RORA: variants seen among roughly 807,000 people sequenced by gnomAD.
RORA encodes the protein nuclear receptor ROR-alpha.
RORA carries 7 observed loss-of-function variants against 69.5 expected under a neutral mutation model. That is an observed-to-expected ratio of 0.10 (90% CI 0.06 to 0.19). RORA has a LOEUF of 0.19. RORA is among the 10% of genes least tolerant of loss of function. The probability of loss-of-function intolerance (pLI) is 1.00; values close to 1 mark genes in which losing one functional copy is unlikely to be tolerated. For missense variants in RORA, 457 were observed against 663.0 expected, an observed-to-expected ratio of 0.69 and a Z score of 3.41; for synonymous variants, 261 against 240.8, an observed-to-expected ratio of 1.08 and a Z score of -0.78.
chr15:61,168,615 T>C (rs1055690726), intron 1 of RORA, among the ~76,000 whole-genome samples: 44 of 152,132 alleles, frequency 2.9e-4, no homozygotes, highest in African/African-American at 1.1e-3. Context: ...TGTGTCTTAA[T>C]GAGCGCTAGA....
At chr15:60,546,720 CAG>C (rs1453814332) in intron 2 of RORA, among the ~76,000 whole-genome samples, 4 of 152,192 alleles carry the variant, frequency 2.6e-5, no homozygotes, top group Non-Finnish European at 5.9e-5. Flanking sequence ...GTTTGCGTAA[CAG>C]AGGTTTGCTG....
At chr15:61,193,598 G>A (rs899942421) in intron 1 of RORA, among the ~76,000 whole-genome samples, 6 of 152,142 alleles carry the variant, frequency 3.9e-5, no homozygotes, top group African/African-American at 1.4e-4. Context: ...CTTTACTTAA[G>A]ATAGTTTGAG....
chr15:61,098,847 T>G (rs1477522184), intron 1 of RORA, among the ~76,000 whole-genome samples: 1 of 152,230 alleles, frequency 6.6e-6, no homozygotes, highest in Non-Finnish European at 1.5e-5. Context: ...AAGTACTGCT[T>G]AGGAGCAATC....
chr15:60,592,352 A>T, intron 2 of RORA: 1 of 1,363,418 alleles, frequency 7.3e-7, no homozygotes, highest in Non-Finnish European at 9.6e-7. Context: ...CGGAGCCGCC[A>T]GCCCACCCGG....
At chr15:60,819,759 A>ACACACACACACACG (rs1160100687) in intron 1 of RORA, among the ~76,000 whole-genome samples, 20 of 132,894 alleles carry the variant, frequency 1.5e-4, no homozygotes, top group African/African-American at 4.2e-4. Flanking sequence ...ACACACACAC[A>ACACACACACACACG]CACACACACA....
At chr15:60,760,571 G>A (rs941741619) in intron 1 of RORA, among the ~76,000 whole-genome samples, 7 of 152,056 alleles carry the variant, frequency 4.6e-5, no homozygotes, top group Admixed American at 1.3e-4. Flanking sequence ...TACAGGCACC[G>A]TATGAATATT....
At chr15:60,982,527 A>AT (rs1595860342) in intron 1 of RORA, among the ~76,000 whole-genome samples, 1 of 152,184 alleles carries the variant, frequency 6.6e-6, no homozygotes, top group African/African-American at 2.4e-5. Flanking sequence ...GTCAGGAGAG[A>AT]TAAAAACATG....
chr15:60,867,760 AATTTC>A (rs1222589175), intron 1 of RORA, among the ~76,000 whole-genome samples: 3 of 152,198 alleles, frequency 2.0e-5, no homozygotes, highest in Admixed American at 1.3e-4. Flanking sequence ...GTTTTCTCAC[AATTTC>A]ATTTCAAGAA....
chr15:61,151,637 GCTA>G (rs1194288059), intron 1 of RORA, among the ~76,000 whole-genome samples: 4 of 152,160 alleles, frequency 2.6e-5, no homozygotes, highest in African/African-American at 9.7e-5. Context: ...CTCTGATTTT[GCTA>G]CTATTGATCT....
intron 1 of RORA, among the ~76,000 whole-genome samples, chr15:60,700,468 CA>C (rs1567161405): frequency 6.6e-6 from 1 of 152,114 alleles, no homozygotes; most frequent in Non-Finnish European, 1.5e-5. Context: ...AACAGGAATC[CA>C]AAGGACATTT....
intron 1 of RORA, among the ~76,000 whole-genome samples, chr15:60,981,394 G>A (rs1004428318): frequency 6.6e-6 from 1 of 151,916 alleles, no homozygotes; most frequent in South Asian, 2.1e-4. Flanking sequence ...TCAAATCATG[G>A]TTCTACCCCT....
chr15:61,158,499 C>T (rs1032096277), intron 1 of RORA, among the ~76,000 whole-genome samples: 18 of 152,216 alleles, frequency 1.2e-4, no homozygotes, highest in Non-Finnish European at 2.2e-4. Context: ...TAAATGGCTA[C>T]ATAGCTCATT....
At chr15:60,793,364 C>T (rs1188501055) in intron 1 of RORA, among the ~76,000 whole-genome samples, 1 of 152,162 alleles carries the variant, frequency 6.6e-6, no homozygotes. Context: ...TTTGGAGTCT[C>T]ATCACTTAAA....
At chr15:60,986,995 G>A (rs1193069838) in intron 1 of RORA, among the ~76,000 whole-genome samples, 2 of 152,124 alleles carry the variant, frequency 1.3e-5, no homozygotes, top group Non-Finnish European at 2.9e-5. Flanking sequence ...TCCACTCAAA[G>A]CACTTTGGAT....
intron 10 of RORA, among the ~76,000 whole-genome samples, chr15:60,498,597 C>A (rs1203719924): frequency 6.6e-6 from 1 of 152,096 alleles, no homozygotes; most frequent in African/African-American, 2.4e-5. Context: ...AGGCAAACTG[C>A]TTATTATTTT....
intron 1 of RORA, among the ~76,000 whole-genome samples, chr15:60,744,405 C>T (rs1424153633): frequency 2.6e-5 from 4 of 152,172 alleles, no homozygotes; most frequent in African/African-American, 9.7e-5. Context: ...GGACAGACTC[C>T]CATACCCATG....
chr15:61,049,353 C>T (rs771360609), intron 1 of RORA, among the ~76,000 whole-genome samples: 10 of 152,150 alleles, frequency 6.6e-5, no homozygotes, highest in Admixed American at 1.3e-4. Context: ...GCATGAGGCT[C>T]GTTTCTGATG....
intron 1 of RORA, among the ~76,000 whole-genome samples, chr15:60,985,981 G>A (rs8028205): frequency 0.24 from 37,008 of 152,106 alleles, 4,720 homozygotes; most frequent in East Asian, 0.35. Flanking sequence ...GAACCACAAC[G>A]GATCCGAATC....
At chr15:60,640,240 C>G (rs1490613852) in intron 2 of RORA, among the ~76,000 whole-genome samples, 2 of 152,162 alleles carry the variant, frequency 1.3e-5, no homozygotes, top group African/African-American at 4.8e-5. Context: ...TTAGGCAAAT[C>G]ATTTAAGCCC....
Sources: allele counts gnomAD v4.1 joint callset (sites outside exome capture counted in the v4.1 genomes callset), GRCh38; gene constraint gnomAD v4.1.1; transcripts MANE v1.5; gene names NCBI Gene and HGNC (gene_info 2026-07-23, HGNC 2026-07-21).